The following GRM8 variants were observed in gnomAD, a reference collection of about 807,000 sequenced individuals.
GRM8 encodes glutamate metabotropic receptor 8.
GRM8 carries 47 observed loss-of-function variants against 87.2 expected under a neutral mutation model. The ratio of observed to expected loss-of-function variants is 0.54; its 90% CI spans 0.43 to 0.69. The LOEUF (loss-of-function observed/expected upper bound fraction) is 0.69, where lower values mean the gene tolerates loss of function less well. GRM8 is among the 30% of genes least tolerant of loss of function. GRM8 has a pLI of 0.00. For synonymous variants in GRM8, 396 were observed against 404.5 expected, an observed-to-expected ratio of 0.98 and a Z score of 0.25; for missense variants, 1,019 against 1,139.2, an observed-to-expected ratio of 0.89 and a Z score of 1.52.
At chr7:127,212,902 A>T (rs563839197) in intron 2 of GRM8, among the ~76,000 whole-genome samples, 1 of 152,170 alleles carries the variant, frequency 6.6e-6, no homozygotes, top group Non-Finnish European at 1.5e-5. Context: ...CTTCTGGTCA[A>T]ATTTGCATGA....
intron 9 of GRM8, among the ~76,000 whole-genome samples, chr7:126,507,894 C>T (rs1210767616): frequency 1.3e-5 from 2 of 151,984 alleles, no homozygotes; most frequent in Admixed American, 6.6e-5. Flanking sequence ...AACAACAACT[C>T]CATTTCTATT....
chr7:127,020,377 A>G (rs1359047727), intron 3 of GRM8, among the ~76,000 whole-genome samples: 2 of 152,034 alleles, frequency 1.3e-5, no homozygotes, highest in Non-Finnish European at 2.9e-5. Context: ...GATCTCTCAC[A>G]TTCACAGCTG....
chr7:126,484,309 C>T lies in GRM8; in HGVS notation c.2431-37937G>A, dbSNP rs576196459. ...AGGACAGCTGTGCAAACTCAGCCCA[C>T]GTGGTACGCAAATAGACCTACATTA... On this transcript the variant is annotated intron_variant, in intron 9 of 10. Transcript: ENST00000339582. Among the ~76,000 whole-genome samples the T allele has an allele frequency of 3.9e-5, 6 of 152,080 alleles. No homozygotes were observed. The South Asian group carries it at 1.0e-3, about 26-fold the overall frequency.
At chr7:127,178,306 A>G (rs1422596988) in intron 2 of GRM8, among the ~76,000 whole-genome samples, 1 of 152,174 alleles carries the variant, frequency 6.6e-6, no homozygotes, top group Non-Finnish European at 1.5e-5. Context: ...AAGACAAAGA[A>G]AAAGAATAAG....
intron 3 of GRM8, among the ~76,000 whole-genome samples, chr7:127,028,088 A>T (rs187325315): frequency 2.0e-5 from 3 of 152,288 alleles, no homozygotes; most frequent in Non-Finnish European, 4.4e-5. Flanking sequence ...TGAGATAATC[A>T]TGTGGTTTTT....
At chr7:126,847,481 C>T (rs1796809083) in intron 6 of GRM8, among the ~76,000 whole-genome samples, 1 of 152,128 alleles carries the variant, frequency 6.6e-6, no homozygotes, top group Non-Finnish European at 1.5e-5. Flanking sequence ...TAGATCATCC[C>T]TGTTCCACTC....
intron 3 of GRM8, among the ~76,000 whole-genome samples, chr7:126,991,862 A>G (rs1324616313): frequency 6.6e-6 from 1 of 152,216 alleles, no homozygotes; most frequent in African/African-American, 2.4e-5. Context: ...CCCAAGAAAA[A>G]TTAAGTTCCA....
Position 126,690,107 on chromosome 7 carries a change from T to C in GRM8, c.1357+79758A>G, listed in dbSNP as rs1280441015. 1.3e-5 allele frequency among the ~76,000 whole-genome samples: 2 copies of C among 152,358 alleles called. 1 individual carries two copies. The highest frequency in any genetic ancestry group is 3.9e-4 in the East Asian group (2 of 5,192). On this transcript the variant is annotated intron_variant, in intron 7 of 10. Transcript: ENST00000339582. ...CTTCTGATTTTATTCCTACTGCTAC[T>C]AGTGTCACAGGATCCTTGGAGTGTT...
intron 3 of GRM8, among the ~76,000 whole-genome samples, chr7:126,977,031 T>A (rs766399567): frequency 6.6e-6 from 1 of 152,214 alleles, no homozygotes; most frequent in Admixed American, 6.5e-5. Context: ...TCCAACTGAC[T>A]TATTAGCATA....
chr7:126,662,350 G>A (rs1805270100), intron 7 of GRM8, among the ~76,000 whole-genome samples: 1 of 152,132 alleles, frequency 6.6e-6, no homozygotes, highest in Non-Finnish European at 1.5e-5. Flanking sequence ...ATCAGAGCTA[G>A]TGAAAGGAAC....
In GRM8 at chr7:126,958,635, A is replaced by G. The variant is rs116941425; in HGVS notation, c.728-53952T>C. Among the ~76,000 whole-genome samples the G allele has an allele frequency of 7.9e-5, 12 of 152,238 alleles. No individual in the cohort carries two copies. In the East Asian group the frequency reaches 2.1e-3, roughly 27 times the overall value. On this transcript the variant is annotated intron_variant, in intron 3 of 10. Coordinates refer to ENST00000339582, the MANE Select transcript of GRM8 (RefSeq NM_000845.3). ...GGATCCAGACTGGTAGCGTGGGCCG[A>G]GCTCAGCCTATCAGGACAAGTGGGC...
chr7:127,156,614 C>A (rs187263204), intron 2 of GRM8, among the ~76,000 whole-genome samples: 1 of 152,246 alleles, frequency 6.6e-6, no homozygotes, highest in East Asian at 1.9e-4. Flanking sequence ...TAGGATCTGG[C>A]TCTGGCTCTT....
At chr7:127,138,546 C>T (rs1828075225) in intron 2 of GRM8, among the ~76,000 whole-genome samples, 1 of 152,014 alleles carries the variant, frequency 6.6e-6, no homozygotes, top group South Asian at 2.1e-4. Flanking sequence ...CTGAGTGATC[C>T]CAGGGCCAGG....
chr7:126,797,330 A>T (rs547267651), intron 6 of GRM8, among the ~76,000 whole-genome samples: 4 of 152,284 alleles, frequency 2.6e-5, no homozygotes, highest in African/African-American at 7.2e-5. Flanking sequence ...TGAATGGCCT[A>T]AGAACATCAT....
chr7:126,617,493 T>C (rs1237830192), intron 7 of GRM8, among the ~76,000 whole-genome samples: 1 of 152,082 alleles, frequency 6.6e-6, no homozygotes. Context: ...CTCTCACCAC[T>C]CCTATGCAAC....
intron 6 of GRM8, among the ~76,000 whole-genome samples, chr7:126,868,389 A>T (rs1004032477): frequency 6.6e-6 from 1 of 152,218 alleles, no homozygotes; most frequent in Non-Finnish European, 1.5e-5. Context: ...AGTGAACAAG[A>T]TGCCACTCTG....
chr7:127,191,903 G>A (rs907603013), intron 2 of GRM8, among the ~76,000 whole-genome samples: 3 of 151,998 alleles, frequency 2.0e-5, no homozygotes, highest in South Asian at 2.1e-4. Context: ...GGCTGGTACC[G>A]CATTAAATTG....
chr7:127,245,192 T>A (rs980933143), intron 1 of GRM8, among the ~76,000 whole-genome samples: 1 of 152,192 alleles, frequency 6.6e-6, no homozygotes, highest in East Asian at 1.9e-4. Flanking sequence ...CGGCCACCCA[T>A]TAAGAGAAGT....
intron 6 of GRM8, among the ~76,000 whole-genome samples, chr7:126,838,761 T>C (rs1279091164): frequency 6.6e-6 from 1 of 152,162 alleles, no homozygotes; most frequent in Non-Finnish European, 1.5e-5. Flanking sequence ...ATTTAAAACA[T>C]CTAAGTCAGG....
Sources: gnomAD v4.1 joint callset for allele counts (sites outside exome capture counted in the v4.1 genomes callset) on GRCh38, gnomAD v4.1.1 for gene constraint, MANE v1.5 for transcripts, NCBI Gene and HGNC (gene_info 2026-07-23, HGNC 2026-07-21) for gene names.